Variants in AKAP12 observed in about 807,000 individuals in gnomAD.
AKAP12 encodes the protein A-kinase anchor protein 12.
Under a neutral mutation model 79.9 loss-of-function variants are expected in AKAP12, and 32 were observed. The observed-to-expected ratio is 0.40, with a 90% confidence interval of 0.30 to 0.54. The LOEUF is 0.54. Among genes scored for constraint, AKAP12 ranks in the 20% least tolerant of loss-of-function variants. The pLI is 0.48. For missense variants in AKAP12, 2,074 were observed against 2,177.0 expected, an observed-to-expected ratio of 0.95 and a Z score of 0.94; for synonymous variants, 808 against 857.0, an observed-to-expected ratio of 0.94 and a Z score of 1.00.
chr6:151,352,443 C>T lies in AKAP12; in HGVS notation c.4052C>T (p.Thr1351Ile), dbSNP rs1406700254. Residue 1351 changes from threonine (T) to isoleucine (I), a missense_variant, in exon 4 of 5, where the codon ACC becomes ATC. Thr to Ile is a moderately conservative substitution (Grantham distance 89). This residue lies in a region of AKAP12 where 614 missense variants were observed against 665.6 expected (regional missense o/e 0.92). Coordinates refer to ENST00000402676, the MANE Select transcript of AKAP12 (RefSeq NM_005100.4). ...VEREKTEAEP[T>I]HVNEEKLEHE... is the part of the protein sequence containing the mutation. ...AGGGAGAAAACAGAAGCAGAGCCAA[C>T]CCATGTGAATGAAGAGAAGCTTGAG... 7 of 1,614,146 alleles carry T rather than the reference C, an allele frequency of 4.3e-6. No individual in the cohort carries two copies. In the Admixed American group the frequency reaches 6.7e-5, roughly 15 times the overall value.
intron 2 of AKAP12, among the ~76,000 whole-genome samples, chr6:151,247,770 G>A (rs1562705032): frequency 6.6e-6 from 1 of 152,132 alleles, no homozygotes; most frequent in Non-Finnish European, 1.5e-5. Context: ...CCGTTCTCAC[G>A]GCAAACAGCC....
At chr6:151,283,260 G>T (rs952607286) in intron 2 of AKAP12, among the ~76,000 whole-genome samples, 1 of 152,184 alleles carries the variant, frequency 6.6e-6, no homozygotes, top group African/African-American at 2.4e-5. Flanking sequence ...GCTAAAGCTT[G>T]AACTAGGGCA....
rs1352353618 is a variant in AKAP12, at chr6:151,273,753, G to T, written c.163-31994G>T. On this transcript the variant is annotated intron_variant, in intron 2 of 4. Coordinates refer to ENST00000402676, the MANE Select transcript of AKAP12 (RefSeq NM_005100.4). ...CTAGTTAAAAGAATGAGGCCAGTTGGGCGCAGTGGCTCACGCCTGTAATCC... is the reference window on the plus strand; with the variant it reads ...CTAGTTAAAAGAATGAGGCCAGTTGTGCGCAGTGGCTCACGCCTGTAATCC... 2.6e-5 allele frequency among the ~76,000 whole-genome samples: 4 copies of T among 152,258 alleles called. No individual in the cohort carries two copies. In the South Asian group the frequency reaches 8.3e-4, roughly 32 times the overall value.
chr6:151,309,067 G>T (rs1347521937), intron 3 of AKAP12, among the ~76,000 whole-genome samples: 1 of 152,116 alleles, frequency 6.6e-6, no homozygotes, highest in East Asian at 1.9e-4. Flanking sequence ...TAGAGATGGG[G>T]TTTCACCATG....
chr6:151,268,957 T>TTG (rs1397250078), intron 2 of AKAP12, among the ~76,000 whole-genome samples: 3 of 125,070 alleles, frequency 2.4e-5, no homozygotes, highest in Non-Finnish European at 5.2e-5. Context: ...TTTTTTTTTT[T>TTG]TTTTTTTTTT....
intron 3 of AKAP12, chr6:151,325,847 GTGCTACTTAAAAT>G (rs758255052): frequency 7.4e-6 from 12 of 1,614,040 alleles, no homozygotes; most frequent in Non-Finnish European, 9.3e-6. Flanking sequence ...CTGTACAGTA[GTGCTACTTAAAAT>G]ATGCTGGGGA....
chr6:151,348,680 T>TTGGGGGGGGGGGG, intron 3 of AKAP12, 31 bp from the exon 4 acceptor site: 7 of 355,194 alleles, frequency 2.0e-5, no homozygotes, highest in East Asian at 5.8e-5. Context: ...TTTTCTCTTC[T>TTGGGGGGGGGGGG]CCCCACCCCC....
At chr6:151,329,509 GA>G (rs1777616673) in intron 3 of AKAP12, among the ~76,000 whole-genome samples, 1 of 152,190 alleles carries the variant, frequency 6.6e-6, no homozygotes, top group Admixed American at 6.5e-5. Flanking sequence ...AGTATCATGA[GA>G]AACAGGGACA....
At chr6:151,336,904 G>A (rs2114802099) in intron 3 of AKAP12, among the ~76,000 whole-genome samples, 1 of 152,230 alleles carries the variant, frequency 6.6e-6, no homozygotes, top group African/African-American at 2.4e-5. Flanking sequence ...TTTGCCCAAG[G>A]ACCCGGTGCT....
chr6:151,255,115 G>A (rs557172594), intron 2 of AKAP12, among the ~76,000 whole-genome samples: 64 of 152,134 alleles, frequency 4.2e-4, no homozygotes, highest in Non-Finnish European at 8.1e-4. Context: ...CAAAAATGAA[G>A]TTACAGTTAT....
At chr6:151,341,555 G>A (rs757946651) in intron 3 of AKAP12, 34 of 329,042 alleles carry the variant, frequency 1.0e-4, no homozygotes, top group Non-Finnish European at 1.4e-4. Flanking sequence ...TGATGTTCGC[G>A]GCTGGCTTCC....
At chr6:151,244,056 T>C (rs1408472974) in intron 2 of AKAP12, among the ~76,000 whole-genome samples, 7 of 152,076 alleles carry the variant, frequency 4.6e-5, no homozygotes, top group Non-Finnish European at 7.4e-5. Context: ...CATTGAACAA[T>C]GGTCTGTTGC....
chr6:151,304,266 G>A (rs1209112469), intron 2 of AKAP12, among the ~76,000 whole-genome samples: 1 of 151,784 alleles, frequency 6.6e-6, no homozygotes, highest in Non-Finnish European at 1.5e-5. Flanking sequence ...GAGGTGGGTG[G>A]ATCACTTGAG....
chr6:151,264,775 T>G, intron 2 of AKAP12, among the ~76,000 whole-genome samples: 1 of 152,290 alleles, frequency 6.6e-6, no homozygotes, highest in African/African-American at 2.4e-5. Context: ...AAAAATAAAT[T>G]AATTTAGCTT....
rs558502756 is a variant in AKAP12, at chr6:151,268,945, G to GTTTTTTTTTTT, written c.162+28245_162+28255dup. On this transcript the variant is annotated intron_variant, in intron 2 of 4. Transcript: ENST00000402676. ...AGGCATGAGCCACCGTGCTCGGCCT[G>GTTTTTTTTTTT]TTTTTTTTTTTTTTTTTTTTTTTTT... Among the ~76,000 whole-genome samples, 5 of 77,416 alleles carry GTTTTTTTTTTT rather than the reference G, an allele frequency of 6.5e-5. 2 individuals carry two copies. Among genetic ancestry groups the GTTTTTTTTTTT allele is most frequent in the Admixed American group, 1.2e-4 (1 of 8,096 alleles). 50.8% of individuals were successfully genotyped at this position (77,416 alleles called of 152,430 possible).
Position 151,240,702 on chromosome 6 carries a change from C to G in AKAP12, c.140C>G (p.Ala47Gly). ...APDTTADPAI[A>G]ASDPATKLLQ... ...GACACCACCGCGGACCCCGCCATCG[C>G]TGCCTCGGACCCCGCCACCAAGGTA... Residue 47 changes from alanine to glycine, a missense_variant, in exon 2 of 5, where the codon GCT becomes GGT. This residue lies in a region of AKAP12 where 1,428 missense variants were observed against 1,451.0 expected (regional missense o/e 0.98). Coordinates refer to ENST00000402676, the MANE Select transcript of AKAP12 (RefSeq NM_005100.4). 3 of 1,185,408 alleles carry G rather than the reference C, an allele frequency of 2.5e-6. No individual in the cohort carries two copies. Among genetic ancestry groups the G allele is most frequent in the Non-Finnish European group, 3.1e-6 (3 of 956,438 alleles). 73.4% of individuals were successfully genotyped at this position (1,185,408 alleles called of 1,614,324 possible).
chr6:151,310,849 G>A (rs992423009), intron 3 of AKAP12, among the ~76,000 whole-genome samples: 7 of 152,108 alleles, frequency 4.6e-5, no homozygotes, highest in African/African-American at 1.2e-4. Flanking sequence ...TGAGATTTGC[G>A]TCTCTGCAGA....
chr6:151,259,749 GT>G (rs978536065), intron 2 of AKAP12, among the ~76,000 whole-genome samples: 1 of 151,146 alleles, frequency 6.6e-6, no homozygotes, highest in African/African-American at 2.4e-5. Context: ...GCTAATTTTT[GT>G]TTTTTTAGTA....
chr6:151,259,903 C>CTT (rs55867750), intron 2 of AKAP12, among the ~76,000 whole-genome samples: 48 of 147,204 alleles, frequency 3.3e-4, no homozygotes, highest in Middle Eastern at 3.5e-3. Flanking sequence ...GTAACTTTCT[C>CTT]TTTTTTTTTT....
Sources: allele counts gnomAD v4.1 joint callset (sites outside exome capture counted in the v4.1 genomes callset), GRCh38; gene constraint gnomAD v4.1.1; regional missense constraint gnomAD v4.1.1; transcripts MANE v1.5; gene names NCBI Gene and HGNC (gene_info 2026-07-23, HGNC 2026-07-21).